CTNNA2: variants seen among roughly 807,000 people sequenced by gnomAD.
The protein encoded by CTNNA2 is catenin alpha-2.
Under a neutral mutation model 101.0 loss-of-function variants are expected in CTNNA2, and 42 were observed. That is an observed-to-expected ratio of 0.42 (90% CI 0.32 to 0.54). CTNNA2 has a LOEUF of 0.54. CTNNA2 is among the 20% of genes least tolerant of loss of function. The pLI is 0.14. For missense variants in CTNNA2, 871 were observed against 1,223.1 expected, an observed-to-expected ratio of 0.71 and a Z score of 4.29; for synonymous variants, 450 against 456.4, an observed-to-expected ratio of 0.99 and a Z score of 0.18.
intron 1 of CTNNA2, among the ~76,000 whole-genome samples, chr2:79,542,909 A>C (rs746398956): frequency 6.6e-6 from 1 of 152,110 alleles, no homozygotes; most frequent in African/African-American, 2.4e-5. Context: ...AAGAATTTTT[A>C]TCAACTTATG....
chr2:79,222,482 G>A (rs911359677), intron 2 of CTNNA2, among the ~76,000 whole-genome samples: 5 of 152,152 alleles, frequency 3.3e-5, no homozygotes, highest in Admixed American at 1.3e-4. Flanking sequence ...GAGCAGGAGC[G>A]AGCTGACCCA....
chr2:80,198,664 C>G (rs1331060346), intron 7 of CTNNA2, among the ~76,000 whole-genome samples: 3 of 152,140 alleles, frequency 2.0e-5, no homozygotes, highest in Admixed American at 2.0e-4. Flanking sequence ...ACAGTATATT[C>G]TCTCCTGAAG....
chr2:79,940,757 A>C (rs1311793897), intron 7 of CTNNA2, among the ~76,000 whole-genome samples: 3 of 152,258 alleles, frequency 2.0e-5, no homozygotes, highest in Non-Finnish European at 4.4e-5. Context: ...GCACACTTAC[A>C]GTAGCCTATG....
chr2:79,566,516 A>T (rs568372690), intron 1 of CTNNA2, among the ~76,000 whole-genome samples: 30 of 152,268 alleles, frequency 2.0e-4, no homozygotes, highest in African/African-American at 7.2e-4. Flanking sequence ...TTGCATATTG[A>T]AATTGTATAT....
intron 16 of CTNNA2, among the ~76,000 whole-genome samples, chr2:80,606,928 C>A (rs926468553): frequency 6.6e-6 from 1 of 151,818 alleles, no homozygotes; most frequent in African/African-American, 2.4e-5. Flanking sequence ...GTATGGGTCC[C>A]TGGAGTAGGA....
chr2:80,360,965 T>A (rs1049598757), intron 7 of CTNNA2, among the ~76,000 whole-genome samples: 62 of 152,066 alleles, frequency 4.1e-4, no homozygotes, highest in Admixed American at 2.3e-3. Flanking sequence ...GGGTTTTTTT[T>A]AAATAGATGA....
chr2:79,680,469 A>T (rs1683488729), intron 2 of CTNNA2, among the ~76,000 whole-genome samples: 1 of 152,144 alleles, frequency 6.6e-6, no homozygotes, highest in Non-Finnish European at 1.5e-5. Flanking sequence ...TGTCAAAAAA[A>T]TGTGTGATAG....
At chr2:80,092,717 C>T (rs574866317) in intron 7 of CTNNA2, among the ~76,000 whole-genome samples, 1 of 152,228 alleles carries the variant, frequency 6.6e-6, no homozygotes, top group East Asian at 1.9e-4. Context: ...CCACTGCTTA[C>T]TGGCCTAGCT....
intron 7 of CTNNA2, among the ~76,000 whole-genome samples, chr2:80,369,994 T>C (rs1675296803): frequency 6.6e-6 from 1 of 152,284 alleles, no homozygotes; most frequent in South Asian, 2.1e-4. Flanking sequence ...CCACTAAGTC[T>C]GGTAATTTGT....
exon 1 of CTNNA2, chr2:79,185,405 C>T (rs1166545461): frequency 7.1e-6 from 1 of 141,706 alleles, no homozygotes; most frequent in Non-Finnish European, 1.5e-5. Flanking sequence ...ACCGGCTGTA[C>T]CAAGAACAGA....
At chr2:79,288,346 C>G (rs181306218) in intron 2 of CTNNA2, among the ~76,000 whole-genome samples, 90 of 152,316 alleles carry the variant, frequency 5.9e-4, no homozygotes, top group African/African-American at 2.2e-3. Flanking sequence ...AGTAAACTAC[C>G]TGAAAACTTA....
intron 9 of CTNNA2, among the ~76,000 whole-genome samples, chr2:80,461,416 C>A (rs541423508): frequency 6.6e-6 from 1 of 152,092 alleles, no homozygotes; most frequent in African/African-American, 2.4e-5. Context: ...TTGCCGCTGC[C>A]CATGCTGTAT....
chr2:80,283,562 G>GT (rs1317293822), intron 7 of CTNNA2, among the ~76,000 whole-genome samples: 3 of 152,100 alleles, frequency 2.0e-5, no homozygotes, highest in Non-Finnish European at 2.9e-5. Flanking sequence ...ACCTGAATGT[G>GT]TTTAAGTTTT....
chr2:79,806,439 T>A (rs1209166833), intron 3 of CTNNA2, among the ~76,000 whole-genome samples: 1 of 151,960 alleles, frequency 6.6e-6, no homozygotes, highest in East Asian at 1.9e-4. Context: ...GAGAATGAAG[T>A]TTTATGTTAA....
intron 7 of CTNNA2, among the ~76,000 whole-genome samples, chr2:80,131,133 C>T (rs1251978354): frequency 6.6e-6 from 1 of 152,276 alleles, no homozygotes; most frequent in East Asian, 1.9e-4. Flanking sequence ...TCTCCACTCA[C>T]TGTAACCTCC....
At chr2:80,561,328 T>C (rs1037913279) in intron 12 of CTNNA2, among the ~76,000 whole-genome samples, 1 of 152,348 alleles carries the variant, frequency 6.6e-6, no homozygotes, top group Admixed American at 6.5e-5. Context: ...AAAGAGCCCT[T>C]AAATAGATAA....
intron 7 of CTNNA2, among the ~76,000 whole-genome samples, chr2:79,911,549 C>A (rs1009233858): frequency 6.6e-5 from 10 of 152,194 alleles, no homozygotes; most frequent in Non-Finnish European, 1.5e-4. Context: ...TAATCTCATG[C>A]AGATCAGCAG....
At chr2:80,444,843 G>A (rs950793233) in intron 9 of CTNNA2, among the ~76,000 whole-genome samples, 1 of 152,270 alleles carries the variant, frequency 6.6e-6, no homozygotes, top group Non-Finnish European at 1.5e-5. Flanking sequence ...AGAAAATAAA[G>A]TTCTGTTGTT....
chr2:79,254,374 G>A (rs1474275838), intron 2 of CTNNA2, among the ~76,000 whole-genome samples: 1 of 152,140 alleles, frequency 6.6e-6, no homozygotes, highest in African/African-American at 2.4e-5. Context: ...GAGTTCCCAT[G>A]AATGGTTTAG....
Sources: gnomAD v4.1 joint callset for allele counts (sites outside exome capture counted in the v4.1 genomes callset) on GRCh38, gnomAD v4.1.1 for gene constraint, MANE v1.5 for transcripts, NCBI Gene and HGNC (gene_info 2026-07-23, HGNC 2026-07-21) for gene names.